The following PCDHGA2 variants were observed in gnomAD, a reference collection of about 807,000 sequenced individuals.
The protein encoded by PCDHGA2 is protocadherin gamma-A2.
A neutral mutation model predicts 59.2 loss-of-function variants in PCDHGA2; 40 were observed. The observed-to-expected ratio is 0.68, with a 90% CI of 0.52 to 0.88. The LOEUF (loss-of-function observed/expected upper bound fraction) is 0.88. Ranked by LOEUF, PCDHGA2 falls within the 40% of genes least tolerant of loss-of-function variation. The probability of loss-of-function intolerance (pLI) is 0.00; values close to 1 mark genes in which losing one functional copy is unlikely to be tolerated. For synonymous variants in PCDHGA2, 560 were observed against 526.0 expected, an observed-to-expected ratio of 1.06 and a Z score of -0.89; for missense variants, 1,226 against 1,204.0, an observed-to-expected ratio of 1.02 and a Z score of -0.27.
chr5:141,455,006 G>A (rs1194194759), intron 1 of PCDHGA2, among the ~76,000 whole-genome samples: 2 of 150,910 alleles, frequency 1.3e-5, no homozygotes, highest in Non-Finnish European at 3.0e-5. Flanking sequence ...TAGAGACGGG[G>A]TTTCACCGTG....
At chr5:141,502,815 TTTCC>T in intron 2 of PCDHGA2, among the ~76,000 whole-genome samples, 1 of 151,372 alleles carries the variant, frequency 6.6e-6, no homozygotes, top group East Asian at 1.9e-4. Context: ...TTCACTGTCT[TTTCC>T]TTGGGGAAGC....
rs775299266 is a variant in PCDHGA2, at chr5:141,432,192, AC to A, written c.2425-62611del. On this transcript the variant is annotated intron_variant, in intron 1 of 3. Transcript: ENST00000394576. The surrounding 1 kb of genome is among the most constrained non-coding windows in gnomAD (Gnocchi z 6.0). ...TCCCTCGTCTCTGTGACCGCCCACG[AC>A]CCCGACTGTGAAGAGAACGCCCAGA... 5 of 1,613,812 alleles carry A rather than the reference AC, an allele frequency of 3.1e-6. No individual in the cohort carries two copies. Among genetic ancestry groups the A allele is most frequent in the Non-Finnish European group, 4.2e-6 (5 of 1,179,996 alleles).
intron 1 of PCDHGA2, chr5:141,394,162 C>T: frequency 6.2e-7 from 1 of 1,613,904 alleles, no homozygotes; most frequent in Non-Finnish European, 8.5e-7. Context: ...GACAACCCTC[C>T]TACTTTCCCT....
At position 141,369,932 on chromosome 5, in the gene PCDHGA2, G is replaced by C. The variant is rs571012686; in HGVS notation, c.2424+28537G>C. On this transcript the variant is annotated intron_variant, in intron 1 of 3. Transcript: ENST00000394576. ...AAAATGGAAACTAAAAACGTGACGG[G>C]ATTGAGCAAGATTATCTCTGCCCTT... Among the ~76,000 whole-genome samples the C allele has an allele frequency of 4.6e-5, 7 of 152,304 alleles. No homozygotes were observed. In the South Asian group the frequency reaches 1.5e-3, roughly 32 times the overall value.
chr5:141,364,414 C>A (rs776503621), intron 1 of PCDHGA2: 13 of 1,612,210 alleles, frequency 8.1e-6, no homozygotes, highest in Admixed American at 3.3e-5. Context: ...AGCCAGGATC[C>A]GGGCAGATCC....
chr5:141,413,049 A>C (rs2095599926), intron 1 of PCDHGA2: 5 of 904,176 alleles, frequency 5.5e-6, no homozygotes, highest in Non-Finnish European at 8.1e-6. Context: ...GCTGCAGGGA[A>C]GCTCACTCCA....
chr5:141,362,748 A>C lies in PCDHGA2; in HGVS notation c.2424+21353A>C, dbSNP rs146059189. 1,393 of 693,104 alleles carry C rather than the reference A, an allele frequency of 2.0e-3. 24 individuals carry two copies. In the East Asian group the frequency reaches 0.035, roughly 17 times the overall value. The allele number at this position is 693,104 out of a possible 1,614,324, so 42.9% of individuals were successfully genotyped here. A position where few individuals can be genotyped will look rare whatever the true frequency, so the allele number is the denominator to read the frequency against. On this transcript the variant is annotated intron_variant, in intron 1 of 3. Coordinates refer to ENST00000394576, the MANE Select transcript of PCDHGA2 (RefSeq NM_018915.4). ...GTGAGATTTATTTACCCATGATTGC[A>C]AACCTTTATCACATGAGATATTGCA...
chr5:141,345,650 C>A, intron 1 of PCDHGA2: 1 of 1,614,220 alleles, frequency 6.2e-7, no homozygotes, highest in Non-Finnish European at 8.5e-7. Context: ...ACAGCGGGAA[C>A]CCTCCACTCA....
chr5:141,355,759 G>A (rs769349934), intron 1 of PCDHGA2: 10 of 1,613,774 alleles, frequency 6.2e-6, no homozygotes, highest in Non-Finnish European at 1.7e-6. Context: ...AAGTGGGGCC[G>A]ATGGGATTAA....
At chr5:141,418,844 A>G (rs781310201) in intron 1 of PCDHGA2, 2 of 1,613,936 alleles carry the variant, frequency 1.2e-6, no homozygotes, top group South Asian at 2.2e-5. Context: ...ATCTCTCTCA[A>G]CACGGTGTAA....
chr5:141,458,825 C>A (rs1417477907), intron 1 of PCDHGA2, among the ~76,000 whole-genome samples: 1 of 152,102 alleles, frequency 6.6e-6, no homozygotes, highest in Non-Finnish European at 1.5e-5. Context: ...CTCTGCCTCC[C>A]AGGCTCAAGT....
intron 1 of PCDHGA2, among the ~76,000 whole-genome samples, chr5:141,402,701 G>T (rs1561683907): frequency 1.3e-5 from 2 of 152,178 alleles, no homozygotes; most frequent in African/African-American, 2.4e-5. Context: ...ACATCAGTGG[G>T]TGTAGTAACG....
At chr5:141,426,448 C>T (rs1289310586) in intron 1 of PCDHGA2, 4 of 307,946 alleles carry the variant, frequency 1.3e-5, no homozygotes, top group Middle Eastern at 1.2e-3. Context: ...GGAGGACATG[C>T]GGCTGCATGT....
chr5:141,409,867 C>A (rs376725837), intron 1 of PCDHGA2: 201 of 1,612,544 alleles, frequency 1.2e-4, no homozygotes, highest in Middle Eastern at 8.2e-4. Context: ...TGGGAGACCG[C>A]AATGACAACG....
In PCDHGA2 at chr5:141,339,303, A is replaced by G; in HGVS notation, c.332A>G (p.Glu111Gly). 6.2e-7 allele frequency: 1 copy of G among 1,614,264 alleles called. No homozygotes were observed. Among genetic ancestry groups the G allele is most frequent in the Non-Finnish European group, 8.5e-7 (1 of 1,180,048 alleles). ...PCLLNFNILLEDKLTIYSVEV... is the reference protein window; with the variant it reads ...PCLLNFNILLGDKLTIYSVEV... The stretch of plus-strand genomic sequence containing the variant: ...CTGTTGAATTTTAACATTCTGCTGG[A>G]GGATAAATTGACTATTTATTCAGTA... The change falls in exon 1 of 4, where the codon GAG becomes GGG. Residue 111 changes from glutamate (E) to glycine (G), a missense_variant. Glu to Gly is a moderately conservative substitution (Grantham distance 98). Coordinates refer to ENST00000394576, the MANE Select transcript of PCDHGA2 (RefSeq NM_018915.4).
At position 141,383,491 on chromosome 5, in the gene PCDHGA2, C is replaced by T. The variant is rs116533786; in HGVS notation, c.2424+42096C>T. The T allele has an allele frequency of 1.9e-6, 3 of 1,613,000 alleles. No individual in the cohort carries two copies. The highest frequency in any genetic ancestry group is 2.5e-6 in the Non-Finnish European group (3 of 1,179,496). On this transcript the variant is annotated intron_variant, in intron 1 of 3. Coordinates refer to ENST00000394576, the MANE Select transcript of PCDHGA2 (RefSeq NM_018915.4). Reference sequence around the variant, plus strand: ...TAAGTACCCGGAACTGGTGCTGGAGCGGGTGCTGGACCGGGAGGAAGAGCG... The same window carrying T: ...TAAGTACCCGGAACTGGTGCTGGAGTGGGTGCTGGACCGGGAGGAAGAGCG...
At chr5:141,371,690 C>G (rs778571401) in intron 1 of PCDHGA2, 1 of 1,614,078 alleles carries the variant, frequency 6.2e-7, no homozygotes, top group South Asian at 1.1e-5. Flanking sequence ...ATCCACCGCT[C>G]TCCTCCAGCA....
intron 1 of PCDHGA2, chr5:141,372,266 T>C (rs1230396538): frequency 6.2e-7 from 1 of 1,613,082 alleles, no homozygotes. Flanking sequence ...TGCGCACGGG[T>C]GAGGTGCGCA....
intron 1 of PCDHGA2, chr5:141,409,520 T>A (rs1177702875): frequency 6.2e-7 from 1 of 1,613,848 alleles, no homozygotes; most frequent in East Asian, 2.2e-5. Flanking sequence ...AAGCATCACC[T>A]TGTATGTCGC....
Sources: gnomAD v4.1 joint callset for allele counts (sites outside exome capture counted in the v4.1 genomes callset) on GRCh38, gnomAD v4.1.1 for gene constraint, Gnocchi (gnomAD v3.1) non-coding constraint, MANE v1.5 for transcripts, NCBI Gene and HGNC (gene_info 2026-07-23, HGNC 2026-07-21) for gene names.